Variants in SCEL observed in about 807,000 individuals in gnomAD.
The protein encoded by SCEL is sciellin.
Under a neutral mutation model 117.6 loss-of-function variants are expected in SCEL, and 113 were observed. The observed-to-expected ratio is 0.96, with a 90% CI of 0.83 to 1.12. SCEL has a LOEUF of 1.12. SCEL is among the 50% of genes most tolerant of loss of function. SCEL has a pLI of 0.00. For synonymous variants in SCEL, 270 were observed against 256.2 expected, an observed-to-expected ratio of 1.05 and a Z score of -0.51; for missense variants, 785 against 810.8, an observed-to-expected ratio of 0.97 and a Z score of 0.39.
intron 29 of SCEL, among the ~76,000 whole-genome samples, chr13:77,635,408 TATC>T (rs1271227796): frequency 6.6e-6 from 1 of 152,200 alleles, no homozygotes; most frequent in African/African-American, 2.4e-5. Flanking sequence ...TATCAAATAG[TATC>T]ATAGTGAAGG....
At chr13:77,586,337 C>T (rs1353021554) in intron 9 of SCEL, among the ~76,000 whole-genome samples, 1 of 152,154 alleles carries the variant, frequency 6.6e-6, no homozygotes. Context: ...TACTTCAAAG[C>T]TTTCCCTCTC....
At chr13:77,641,946 T>A (rs75112279) in intron 31 of SCEL, among the ~76,000 whole-genome samples, 3,912 of 152,284 alleles carry the variant, frequency 0.026, 165 homozygotes, top group East Asian at 0.13. Flanking sequence ...AAGTTTTTTA[T>A]TTATGAAATA....
At position 77,618,054 on chromosome 13, in the gene SCEL, C is replaced by A. The variant is rs1408495085; in HGVS notation, c.1622C>A (p.Thr541Asn). 1.2e-6 allele frequency: 2 copies of A among 1,611,484 alleles called. 1 individual carries two copies. The highest frequency in any genetic ancestry group is 1.7e-6 in the Non-Finnish European group (2 of 1,177,664). The change falls in exon 27 of 33, where the codon ACT becomes AAT. Residue 541 changes from threonine (T) to asparagine (N), a missense_variant. By Grantham distance (65) the Thr-to-Asn change is moderately conservative (BLOSUM62 0). Coordinates refer to ENST00000349847, the MANE Select transcript of SCEL (RefSeq NM_144777.3). ...GTGAAACCTTCAGCTCTTAGAAACA[C>A]TAATCGGTAAATGACCTTGACTATC... ...IKVKPSALRN[T>N]NRDQNLENLI...
At chr13:77,619,154 A>G (rs1034975340) in intron 27 of SCEL, among the ~76,000 whole-genome samples, 2 of 152,198 alleles carry the variant, frequency 1.3e-5, no homozygotes, top group African/African-American at 4.8e-5. Flanking sequence ...ATGACAAAGT[A>G]CTTTGAACCC....
intron 18 of SCEL, chr13:77,604,122 AG>A: frequency 3.1e-6 from 1 of 326,182 alleles, no homozygotes; most frequent in Non-Finnish European, 5.5e-6. Context: ...ATATATACTT[AG>A]GTATTCTGAG....
intron 30 of SCEL, among the ~76,000 whole-genome samples, chr13:77,637,788 G>T (rs563728390): frequency 3.9e-5 from 6 of 152,112 alleles, no homozygotes; most frequent in Non-Finnish European, 8.8e-5. Context: ...GTGCTGCTGT[G>T]ACCCACTCTG....
chr13:77,571,238 C>A (rs920071361), intron 8 of SCEL, among the ~76,000 whole-genome samples: 1 of 148,790 alleles, frequency 6.7e-6, no homozygotes, highest in African/African-American at 2.5e-5. Flanking sequence ...GTCAGGAGAT[C>A]GAGACCATCC....
chr13:77,631,825 G>A (rs1405200632), intron 28 of SCEL, among the ~76,000 whole-genome samples: 1 of 152,206 alleles, frequency 6.6e-6, no homozygotes, highest in Non-Finnish European at 1.5e-5. Flanking sequence ...ACCAGTATTA[G>A]TCAGCATGGG....
intron 18 of SCEL, 129 bp from the exon 19 acceptor site, chr13:77,604,227 G>A: frequency 1.9e-6 from 1 of 534,206 alleles, no homozygotes; most frequent in Non-Finnish European, 3.2e-6. Flanking sequence ...TTTTCTTTTA[G>A]AGCTTTAAAA....
intron 27 of SCEL, among the ~76,000 whole-genome samples, chr13:77,622,817 G>A (rs2089495980): frequency 6.6e-6 from 1 of 152,138 alleles, no homozygotes; most frequent in Admixed American, 6.5e-5. Context: ...AGCTATGACA[G>A]CACCATTACA....
intron 28 of SCEL, among the ~76,000 whole-genome samples, chr13:77,629,652 A>G (rs537105487): frequency 6.6e-6 from 1 of 152,284 alleles, no homozygotes; most frequent in South Asian, 2.1e-4. Context: ...AACTCCCAAA[A>G]GGCAGAGTAA....
intron 27 of SCEL, among the ~76,000 whole-genome samples, chr13:77,624,192 C>G (rs185255865): frequency 6.6e-6 from 1 of 150,660 alleles, no homozygotes; most frequent in Admixed American, 6.6e-5. Flanking sequence ...GCAGCCTCCT[C>G]CTCCCCCAGT....
At chr13:77,544,629 G>T (rs1444739896) in intron 1 of SCEL, among the ~76,000 whole-genome samples, 1 of 152,176 alleles carries the variant, frequency 6.6e-6, no homozygotes, top group Non-Finnish European at 1.5e-5. Context: ...GATTGGGCTG[G>T]TGGGAGGAGT....
At chr13:77,604,808 A>G (rs1181473612) in intron 19 of SCEL, among the ~76,000 whole-genome samples, 1 of 152,132 alleles carries the variant, frequency 6.6e-6, no homozygotes, top group African/African-American at 2.4e-5. Context: ...TAAGTAGTGT[A>G]TGTGAGTGTA....
At chr13:77,612,408 A>G (rs990025164) in intron 22 of SCEL, among the ~76,000 whole-genome samples, 1 of 144,042 alleles carries the variant, frequency 6.9e-6, no homozygotes, top group Non-Finnish European at 1.5e-5. Flanking sequence ...TATATTGTAT[A>G]TATTACCTGC....
chr13:77,593,651 T>C, intron 12 of SCEL, 78 bp downstream of exon 12: 1 of 1,019,144 alleles, frequency 9.8e-7, no homozygotes, highest in East Asian at 2.4e-5. Flanking sequence ...CTTTAAAAGT[T>C]CCAAATATGA....
intron 1 of SCEL, among the ~76,000 whole-genome samples, chr13:77,548,748 C>T (rs758588236): frequency 2.6e-5 from 4 of 152,130 alleles, no homozygotes; most frequent in African/African-American, 4.8e-5. Context: ...GGGCAGTTCC[C>T]CTGCACATGC....
chr13:77,581,195 T>C (rs2086243573), intron 9 of SCEL, among the ~76,000 whole-genome samples: 1 of 152,322 alleles, frequency 6.6e-6, no homozygotes, highest in Admixed American at 6.5e-5. Flanking sequence ...CAATAAAATA[T>C]CAAAATACAG....
chr13:77,604,045 G>A (rs1025094641), intron 18 of SCEL, among the ~76,000 whole-genome samples: 16 of 151,938 alleles, frequency 1.1e-4, no homozygotes, highest in African/African-American at 3.9e-4. Flanking sequence ...TTTCAATGCT[G>A]CCTGCTTGGA....
Sources: allele counts gnomAD v4.1 joint callset (sites outside exome capture counted in the v4.1 genomes callset), GRCh38; gene constraint gnomAD v4.1.1; transcripts MANE v1.5; gene names NCBI Gene and HGNC (gene_info 2026-07-23, HGNC 2026-07-21).